The following PTPN3 variants were observed in gnomAD, a reference collection of about 807,000 sequenced individuals.
The protein encoded by PTPN3 is protein tyrosine phosphatase non-receptor type 3.
In PTPN3, 96 loss-of-function variants were observed where a neutral mutation model predicts 132.7. The ratio of observed to expected loss-of-function variants is 0.72; its 90% confidence interval spans 0.61 to 0.86. PTPN3 has a LOEUF of 0.86. PTPN3 is among the 40% of genes least tolerant of loss of function. PTPN3 has a pLI of 0.00. For missense variants in PTPN3, 1,125 were observed against 1,159.6 expected, an observed-to-expected ratio of 0.97 and a Z score of 0.43; for synonymous variants, 398 against 429.0, an observed-to-expected ratio of 0.93 and a Z score of 0.89.
At position 109,408,793 on chromosome 9, in the gene PTPN3, A is replaced by T. The variant is rs1564404002; in HGVS notation, c.1579-416T>A. On this transcript the variant is annotated intron_variant, in intron 16 of 25. Coordinates refer to ENST00000374541, the MANE Select transcript of PTPN3 (RefSeq NM_002829.4). ...AACTTATAATAATTAAAAAAAAAAAAAAAATATATATATATATATATATAT... is the reference window on the plus strand; with the variant it reads ...AACTTATAATAATTAAAAAAAAAAATAAAATATATATATATATATATATAT... 6.7e-3 allele frequency among the ~76,000 whole-genome samples: 502 copies of T among 74,508 alleles called. 7 individuals are homozygous for T. Among genetic ancestry groups the T allele is most frequent in the African/African-American group, 0.024 (478 of 19,980 alleles). The allele number at this position is 74,508 out of a possible 152,430, so 48.9% of individuals were successfully genotyped here.
the PTPN3 span, among the ~76,000 whole-genome samples, chr9:109,522,241 G>A: frequency 9.8e-5 from 15 of 152,324 alleles, no homozygotes; most frequent in African/African-American, 3.1e-4. Context: ...AAGCCATCTG[G>A]TCAAGTGGAA....
chr9:109,452,573 T>G (rs1845328118), intron 5 of PTPN3, among the ~76,000 whole-genome samples: 1 of 151,908 alleles, frequency 6.6e-6, no homozygotes, highest in Non-Finnish European at 1.5e-5. Flanking sequence ...CAGAGCCTTT[T>G]TTTTTTTTCT....
the PTPN3 span, among the ~76,000 whole-genome samples, chr9:109,506,049 C>T: frequency 6.6e-6 from 1 of 152,284 alleles, no homozygotes; most frequent in Admixed American, 6.5e-5. Context: ...CTGCGCCCGG[C>T]CCAGAACATC....
At chr9:109,405,336 A>G (rs1841478693) in intron 18 of PTPN3, among the ~76,000 whole-genome samples, 1 of 152,118 alleles carries the variant, frequency 6.6e-6, no homozygotes, top group Non-Finnish European at 1.5e-5. Context: ...TTGCAGTGGG[A>G]GCAGAGCCGA....
At chr9:109,512,652 A>C in the PTPN3 span, among the ~76,000 whole-genome samples, 2 of 152,226 alleles carry the variant, frequency 1.3e-5, no homozygotes, top group African/African-American at 4.8e-5. Flanking sequence ...TAAGACTTTA[A>C]TCATAAGTAT....
At chr9:109,487,541 C>T (rs564816786) in intron 1 of PTPN3, among the ~76,000 whole-genome samples, 12 of 152,338 alleles carry the variant, frequency 7.9e-5, no homozygotes, top group Non-Finnish European at 1.2e-4. Flanking sequence ...GCCTAACAGC[C>T]TCTTTTAAAC....
At chr9:109,501,631 C>T (rs904094100), upstream of PTPN3, among the ~76,000 whole-genome samples, 8 of 152,142 alleles carry the variant, frequency 5.3e-5, no homozygotes, top group Non-Finnish European at 8.8e-5. Context: ...CCAAACCTTA[C>T]GTAAATGGGG....
At chr9:109,392,775 T>C (rs1840240266) in intron 19 of PTPN3, 2 of 152,160 alleles carry the variant, frequency 1.3e-5, no homozygotes, top group African/African-American at 4.8e-5. Flanking sequence ...GGCTAATTTT[T>C]GTATTTTTAG....
chr9:109,408,951 C>T (rs1317962307), intron 16 of PTPN3, among the ~76,000 whole-genome samples: 5 of 151,042 alleles, frequency 3.3e-5, no homozygotes, highest in Admixed American at 1.3e-4. Context: ...GGCCTGTGAG[C>T]GCTGGTCCTC....
chr9:109,422,826 T>C lies in PTPN3; in HGVS notation c.1028A>G (p.Lys343Arg), dbSNP rs151104500. 3 of 1,613,260 alleles carry C rather than the reference T, an allele frequency of 1.9e-6. No individual in the cohort carries two copies. In the African/African-American group the frequency reaches 4.0e-5, roughly 22 times the overall value. ...GTTCCACACCATCCCGCCAATCACC[T>C]TTTTGCAATATTGGTTATTTACCGA... ...KKSVNNQYCKKVIGGMVWNPA... is the reference protein window; with the variant it reads ...KKSVNNQYCKRVIGGMVWNPA... Residue 343 changes from lysine (K) to arginine (R), a missense_variant, in exon 13 of 26, where the codon AAG becomes AGG. Transcript: ENST00000374541.
intron 6 of PTPN3, among the ~76,000 whole-genome samples, chr9:109,445,833 G>A (rs993683946): frequency 5.3e-5 from 8 of 152,128 alleles, no homozygotes; most frequent in Non-Finnish European, 1.0e-4. Flanking sequence ...AACTAATTAC[G>A]ATGACTTAGG....
chr9:109,528,611 T>G, the PTPN3 span, among the ~76,000 whole-genome samples: 1 of 152,198 alleles, frequency 6.6e-6, no homozygotes, highest in South Asian at 2.1e-4. Flanking sequence ...GCTGGATATA[T>G]TCTTTATCTT....
At chr9:109,507,381 T>C in the PTPN3 span, among the ~76,000 whole-genome samples, 1 of 152,200 alleles carries the variant, frequency 6.6e-6, no homozygotes, top group Non-Finnish European at 1.5e-5. Flanking sequence ...GCTTACCATT[T>C]CATTGCCGAG....
At chr9:109,416,988 T>C (rs1842554169) in intron 14 of PTPN3, among the ~76,000 whole-genome samples, 1 of 152,222 alleles carries the variant, frequency 6.6e-6, no homozygotes, top group Non-Finnish European at 1.5e-5. Context: ...TGCATGTCTC[T>C]TTCTTTAGGG....
intron 5 of PTPN3, chr9:109,449,272 A>G (rs2131994954): frequency 1.0e-6 from 1 of 998,080 alleles, no homozygotes; most frequent in South Asian, 4.6e-5. Flanking sequence ...ACACTGTGCC[A>G]GGATCCATCC....
Position 109,379,258 on chromosome 9 carries a change from G to A in PTPN3, c.*298C>T, listed in dbSNP as rs562644015. On this transcript the variant is annotated 3_prime_UTR_variant, in exon 26 of 26. Transcript: ENST00000374541. ...CCGGTCTCAATTGCTCCAGGATGCC[G>A]ACAGGGGTGTGTGTGGTGATGTTAG... 1.0e-4 allele frequency: 33 copies of A among 324,676 alleles called. 2 individuals carry two copies. The South Asian group carries it at 1.2e-3, about 12-fold the overall frequency. 20.1% of individuals were successfully genotyped at this position (324,676 alleles called of 1,614,324 possible). A position where few individuals can be genotyped will look rare whatever the true frequency, so the allele number is the denominator to read the frequency against.
the PTPN3 span, among the ~76,000 whole-genome samples, chr9:109,514,452 GGGTT>G: frequency 6.6e-6 from 1 of 152,086 alleles, no homozygotes; most frequent in African/African-American, 2.4e-5. Flanking sequence ...AGTGGCGAGG[GGGTT>G]TTCATTCATT....
chr9:109,497,875 G>A (rs1419322134), intron 1 of PTPN3, among the ~76,000 whole-genome samples: 2 of 151,182 alleles, frequency 1.3e-5, no homozygotes, highest in African/African-American at 2.4e-5. Context: ...TCCTCCGGAG[G>A]TGCCGGACGC....
At chr9:109,523,502 T>C in the PTPN3 span, among the ~76,000 whole-genome samples, 1 of 112,918 alleles carries the variant, frequency 8.9e-6, no homozygotes, top group African/African-American at 3.5e-5. Flanking sequence ...CTTCAGAGTC[T>C]GACCTCCTAA....
Sources: allele counts gnomAD v4.1 joint callset (sites outside exome capture counted in the v4.1 genomes callset), GRCh38; gene constraint gnomAD v4.1.1; transcripts MANE v1.5; gene names NCBI Gene and HGNC (gene_info 2026-07-23, HGNC 2026-07-21).